Variants in CBLB observed in about 807,000 individuals in gnomAD.
The protein encoded by CBLB is E3 ubiquitin-protein ligase CBL-B.
In CBLB, 31 loss-of-function variants were observed where a neutral mutation model predicts 104.9. The observed-to-expected ratio is 0.30, with a 90% CI of 0.22 to 0.40. CBLB has a LOEUF of 0.40. Ranked by LOEUF, CBLB falls within the 10% of genes least tolerant of loss-of-function variation. The probability of loss-of-function intolerance (pLI) is 1.00; values close to 1 mark genes in which losing one functional copy is unlikely to be tolerated. For synonymous variants in CBLB, 440 were observed against 422.6 expected, an observed-to-expected ratio of 1.04 and a Z score of -0.51; for missense variants, 1,062 against 1,214.6, an observed-to-expected ratio of 0.87 and a Z score of 1.87.
At chr3:105,829,357 C>A (rs940879226) in intron 3 of CBLB, among the ~76,000 whole-genome samples, 1 of 152,122 alleles carries the variant, frequency 6.6e-6, no homozygotes, top group Non-Finnish European at 1.5e-5. Context: ...TCAACTCTCA[C>A]ACACAAAACT....
intron 3 of CBLB, among the ~76,000 whole-genome samples, chr3:105,787,861 C>T (rs2082872780): frequency 6.6e-6 from 1 of 151,802 alleles, no homozygotes; most frequent in Non-Finnish European, 1.5e-5. Flanking sequence ...ATAACATGGC[C>T]CTCAAAACAA....
chr3:105,826,038 G>A (rs2086518931), intron 3 of CBLB, among the ~76,000 whole-genome samples: 1 of 151,990 alleles, frequency 6.6e-6, no homozygotes, highest in Non-Finnish European at 1.5e-5. Context: ...CAATTTCCTT[G>A]ACTTTTGAAA....
At chr3:105,727,731 G>A (rs2073842605) in intron 9 of CBLB, among the ~76,000 whole-genome samples, 1 of 152,168 alleles carries the variant, frequency 6.6e-6, no homozygotes, top group Non-Finnish European at 1.5e-5. Context: ...AAGATATAAG[G>A]AAGGGGTCCA....
intron 9 of CBLB, among the ~76,000 whole-genome samples, chr3:105,728,871 T>A (rs1290110041): frequency 6.6e-6 from 1 of 152,150 alleles, no homozygotes; most frequent in Non-Finnish European, 1.5e-5. Flanking sequence ...AGTAACCACT[T>A]GCAGCCTATA....
Position 105,658,453 on chromosome 3 carries a change from A to G in CBLB, c.*517T>C. On this transcript the variant is annotated 3_prime_UTR_variant, in exon 19 of 19. Coordinates refer to ENST00000394030, the MANE Select transcript of CBLB (RefSeq NM_170662.5). ...TCAGAACCTTCAAAGCATCTTGTGA[A>G]TGAGAGAAATGGAACTGGACCTGGG... 4.4e-6 allele frequency: 1 copy of G among 226,740 alleles called. No individual in the cohort carries two copies. The highest frequency in any genetic ancestry group is 8.8e-6 in the Non-Finnish European group (1 of 113,906). 14.0% of individuals were successfully genotyped at this position (226,740 alleles called of 1,614,324 possible).
At chr3:105,763,864 G>A (rs903725898) in intron 4 of CBLB, among the ~76,000 whole-genome samples, 2 of 152,148 alleles carry the variant, frequency 1.3e-5, no homozygotes, top group Admixed American at 1.3e-4. Context: ...AAAGGACTTT[G>A]TTACTCACAG....
At chr3:105,839,977 T>C (rs2089287325) in intron 3 of CBLB, among the ~76,000 whole-genome samples, 1 of 152,220 alleles carries the variant, frequency 6.6e-6, no homozygotes, top group Non-Finnish European at 1.5e-5. Context: ...TTTAATCAGG[T>C]AAATGAGACC....
At chr3:105,794,904 T>C (rs1271095503) in intron 3 of CBLB, among the ~76,000 whole-genome samples, 1 of 151,986 alleles carries the variant, frequency 6.6e-6, no homozygotes, top group Non-Finnish European at 1.5e-5. Context: ...GAACCTTCTT[T>C]TGAATAATGG....
chr3:105,657,869 C>T lies in CBLB; in HGVS notation c.*1101G>A, dbSNP rs2063450846. On this transcript the variant is annotated 3_prime_UTR_variant, in exon 19 of 19. Coordinates refer to ENST00000394030, the MANE Select transcript of CBLB (RefSeq NM_170662.5). The stretch of plus-strand genomic sequence containing the variant: ...TTGCCACAGTAGCCTTGACACTCAA[C>T]AGTGCAACGAAGAGTTAATGTTTCC... 1 of 210,110 alleles carries T rather than the reference C, an allele frequency of 4.8e-6. No homozygotes were observed. The highest frequency in any genetic ancestry group is 5.9e-5 in the Admixed American group (1 of 17,052). 13.0% of individuals were successfully genotyped at this position (210,110 alleles called of 1,614,324 possible). A position where few individuals can be genotyped will look rare whatever the true frequency, so the allele number is the denominator to read the frequency against.
At chr3:105,868,016 C>T (rs1392759446) in intron 1 of CBLB, among the ~76,000 whole-genome samples, 1 of 152,098 alleles carries the variant, frequency 6.6e-6, no homozygotes, top group Non-Finnish European at 1.5e-5. Context: ...TTTTGGGAGC[C>T]TTACGCAGAA....
upstream of CBLB, chr3:105,869,337 C>G: frequency 7.5e-7 from 1 of 1,327,944 alleles, no homozygotes; most frequent in Non-Finnish European, 1.0e-6. Flanking sequence ...AGGAGCTAAC[C>G]AATAAGGGGT....
At chr3:105,709,188 C>T (rs186224621) in intron 10 of CBLB, among the ~76,000 whole-genome samples, 1 of 151,984 alleles carries the variant, frequency 6.6e-6, no homozygotes, top group Admixed American at 6.6e-5. Context: ...AAAAAGCAAA[C>T]TTAAAATTTA....
At chr3:105,689,331 A>T (rs1424149813) in intron 13 of CBLB, among the ~76,000 whole-genome samples, 1 of 151,326 alleles carries the variant, frequency 6.6e-6, no homozygotes, top group Non-Finnish European at 1.5e-5. Context: ...AATATATATT[A>T]TAAGAATATA....
chr3:105,830,081 T>C (rs1480669456), intron 3 of CBLB, among the ~76,000 whole-genome samples: 2 of 152,182 alleles, frequency 1.3e-5, no homozygotes, highest in African/African-American at 4.8e-5. Context: ...GAAGGAGTGA[T>C]GCAGAGTTAT....
intron 12 of CBLB, among the ~76,000 whole-genome samples, chr3:105,695,927 G>A (rs1049261946): frequency 6.6e-6 from 1 of 151,612 alleles, no homozygotes; most frequent in Admixed American, 6.6e-5. Context: ...GATTGGCTCA[G>A]ATGCACTTAT....
intron 18 of CBLB, among the ~76,000 whole-genome samples, chr3:105,664,082 G>T (rs2064106531): frequency 6.6e-6 from 1 of 152,038 alleles, no homozygotes. Flanking sequence ...ATCATCTAAA[G>T]ATTGGGTTGG....
At chr3:105,697,906 T>C (rs1332759295) in intron 12 of CBLB, among the ~76,000 whole-genome samples, 1 of 152,078 alleles carries the variant, frequency 6.6e-6, no homozygotes, top group Non-Finnish European at 1.5e-5. Context: ...TTTTTAGTCA[T>C]ATTTTAATAT....
At chr3:105,727,253 C>T (rs1054630802) in intron 9 of CBLB, among the ~76,000 whole-genome samples, 23 of 152,230 alleles carry the variant, frequency 1.5e-4, no homozygotes, top group South Asian at 6.2e-4. Context: ...TTCTAACTGG[C>T]GTGAGATGGT....
chr3:105,788,097 G>A (rs1429169467), intron 3 of CBLB, among the ~76,000 whole-genome samples: 5 of 152,114 alleles, frequency 3.3e-5, no homozygotes, highest in Non-Finnish European at 7.4e-5. Context: ...GATAACATCA[G>A]ATGTAAAAAT....
Sources: gnomAD v4.1 joint callset for allele counts (sites outside exome capture counted in the v4.1 genomes callset) on GRCh38, gnomAD v4.1.1 for gene constraint, MANE v1.5 for transcripts, NCBI Gene and HGNC (gene_info 2026-07-23, HGNC 2026-07-21) for gene names.